The following FRMD4B variants were observed in gnomAD, a reference collection of about 807,000 sequenced individuals.
FRMD4B encodes FERM domain-containing protein 4B.
FRMD4B carries 74 observed loss-of-function variants against 141.5 expected under a neutral mutation model. The ratio of observed to expected loss-of-function variants is 0.52; its 90% CI spans 0.43 to 0.63. The LOEUF (loss-of-function observed/expected upper bound fraction) is 0.63, where lower values mean the gene tolerates loss of function less well. Among genes scored for constraint, FRMD4B ranks in the 30% least tolerant of loss-of-function variants. FRMD4B has a pLI of 0.00. For synonymous variants in FRMD4B, 506 were observed against 467.9 expected, an observed-to-expected ratio of 1.08 and a Z score of -1.05; for missense variants, 1,366 against 1,253.4, an observed-to-expected ratio of 1.09 and a Z score of -1.36.
intron 1 of FRMD4B, among the ~76,000 whole-genome samples, chr3:69,457,866 GTC>G (rs1368153883): frequency 6.6e-6 from 1 of 152,080 alleles, no homozygotes; most frequent in Non-Finnish European, 1.5e-5. Flanking sequence ...TCCACCATTT[GTC>G]TCTCTGCTTT....
Position 69,169,595 on chromosome 3 carries a change from A to C in FRMD4B, c.*2266T>G, listed in dbSNP as rs1575573181. ...TGGTCTTGAACTCCTGAGCTCAAGC[A>C]ATCCTCCCACTTCGGCCTCCCAAAG... is the stretch of plus-strand genomic sequence containing the variant. On this transcript the variant is annotated 3_prime_UTR_variant, in exon 23 of 23. Transcript: ENST00000398540. Among the ~76,000 whole-genome samples, 1 of 152,006 alleles carries C rather than the reference A, an allele frequency of 6.6e-6. No homozygotes were observed. The highest frequency in any genetic ancestry group is 1.5e-5 in the Non-Finnish European group (1 of 67,940).
At chr3:69,275,837 T>C (rs796548268) in intron 5 of FRMD4B, among the ~76,000 whole-genome samples, 11 of 152,316 alleles carry the variant, frequency 7.2e-5, no homozygotes, top group South Asian at 6.2e-4. Context: ...TGTTAAAAAA[T>C]TGGAAAAGTA....
intron 1 of FRMD4B, among the ~76,000 whole-genome samples, chr3:69,458,132 G>A (rs1705648246): frequency 6.6e-6 from 1 of 152,176 alleles, no homozygotes; most frequent in Non-Finnish European, 1.5e-5. Context: ...CACACTAAAA[G>A]AGTTTGTAAG....
chr3:69,436,072 T>C (rs950786186), intron 1 of FRMD4B, among the ~76,000 whole-genome samples: 2 of 152,182 alleles, frequency 1.3e-5, no homozygotes, highest in Non-Finnish European at 2.9e-5. Flanking sequence ...TCCTACTCAC[T>C]TGTTGAATTT....
chr3:69,395,381 T>C (rs1704457126), intron 2 of FRMD4B, among the ~76,000 whole-genome samples: 1 of 152,152 alleles, frequency 6.6e-6, no homozygotes, highest in African/African-American at 2.4e-5. Context: ...TAGGTGTACA[T>C]AGTACTGAAC....
chr3:69,400,832 T>C (rs1178567539), intron 2 of FRMD4B, among the ~76,000 whole-genome samples: 1 of 152,224 alleles, frequency 6.6e-6, no homozygotes, highest in Non-Finnish European at 1.5e-5. Flanking sequence ...ATTCAGAAAC[T>C]AGCTCTGCTT....
At chr3:69,405,144 A>C (rs978332686) in intron 2 of FRMD4B, among the ~76,000 whole-genome samples, 6 of 152,198 alleles carry the variant, frequency 3.9e-5, no homozygotes. Context: ...GTAGATGCCA[A>C]GAATGTTTTC....
At chr3:69,306,677 C>T (rs892180100) in intron 3 of FRMD4B, 4 of 152,250 alleles carry the variant, frequency 2.6e-5, no homozygotes, top group Non-Finnish European at 5.9e-5. Context: ...ATCATCACTG[C>T]TTTTATTGCG....
intron 1 of FRMD4B, among the ~76,000 whole-genome samples, chr3:69,472,697 G>A (rs375014986): frequency 2.6e-5 from 4 of 152,150 alleles, no homozygotes; most frequent in South Asian, 2.1e-4. Context: ...AGGTTGGAGC[G>A]AAAGTTTAAT....
At chr3:69,418,638 A>C (rs983947355) in intron 2 of FRMD4B, among the ~76,000 whole-genome samples, 6 of 152,160 alleles carry the variant, frequency 3.9e-5, no homozygotes, top group Non-Finnish European at 8.8e-5. Context: ...TGGCTTCCAG[A>C]AGCTGGGGAC....
chr3:69,327,872 C>T (rs1702233929), intron 1 of FRMD4B, among the ~76,000 whole-genome samples: 1 of 152,162 alleles, frequency 6.6e-6, no homozygotes, highest in African/African-American at 2.4e-5. Flanking sequence ...AACTTACAGG[C>T]TTATATTATT....
intron 1 of FRMD4B, among the ~76,000 whole-genome samples, chr3:69,496,983 A>G (rs1249056025): frequency 2.0e-5 from 3 of 151,810 alleles, no homozygotes; most frequent in African/African-American, 4.8e-5. Context: ...GGCATTGCCT[A>G]CGCCGAGGAA....
chr3:69,371,637 A>G (rs1703827705), intron 1 of FRMD4B, among the ~76,000 whole-genome samples: 1 of 152,172 alleles, frequency 6.6e-6, no homozygotes, highest in Non-Finnish European at 1.5e-5. Context: ...GATCATGGTG[A>G]TGAAGATGAT....
intron 1 of FRMD4B, among the ~76,000 whole-genome samples, chr3:69,357,686 T>C (rs1309979364): frequency 6.6e-6 from 1 of 152,222 alleles, no homozygotes; most frequent in Non-Finnish European, 1.5e-5. Context: ...ACATTTCACA[T>C]ACTGAATGAA....
intron 7 of FRMD4B, among the ~76,000 whole-genome samples, chr3:69,226,861 A>G (rs9842970): frequency 0.027 from 4,046 of 152,296 alleles, 193 homozygotes; most frequent in African/African-American, 0.093. Flanking sequence ...CAATAAGCTC[A>G]TGGTTGAGAG....
chr3:69,522,149 T>G lies in FRMD4B; in HGVS notation c.-129+20057A>C, dbSNP rs190221103. Among the ~76,000 whole-genome samples the G allele has an allele frequency of 2.7e-3, 414 of 152,208 alleles. 3 individuals are homozygous for G. Among genetic ancestry groups the G allele is most frequent in the African/African-American group, 9.6e-3 (398 of 41,510 alleles). Reference sequence around the variant, plus strand: ...ATTTTAGACATCTACCCATATACTATCTAGTAAGTCATGCTACTGTCCACA... The same window carrying G: ...ATTTTAGACATCTACCCATATACTAGCTAGTAAGTCATGCTACTGTCCACA... On this transcript the variant is annotated intron_variant, in intron 1 of 5. Transcript: ENST00000459638.
intron 1 of FRMD4B, among the ~76,000 whole-genome samples, chr3:69,356,083 C>T (rs1286995303): frequency 6.6e-6 from 1 of 152,098 alleles, no homozygotes; most frequent in East Asian, 1.9e-4. Context: ...GGGACACCAT[C>T]CAAATAACTG....
chr3:69,434,044 T>G (rs931561551), intron 1 of FRMD4B, among the ~76,000 whole-genome samples: 1 of 152,216 alleles, frequency 6.6e-6, no homozygotes, highest in African/African-American at 2.4e-5. Context: ...TATCACGTCA[T>G]CTCTCCACAT....
chr3:69,325,943 A>G (rs531977559), intron 1 of FRMD4B, among the ~76,000 whole-genome samples: 29 of 151,838 alleles, frequency 1.9e-4, no homozygotes, highest in South Asian at 1.5e-3. Context: ...ACTTCTCTCA[A>G]GAAAAAAGTT....
Sources: allele counts gnomAD v4.1 joint callset (sites outside exome capture counted in the v4.1 genomes callset), GRCh38; gene constraint gnomAD v4.1.1; transcripts MANE v1.5; gene names NCBI Gene and HGNC (gene_info 2026-07-23, HGNC 2026-07-21).